Variants in DOCK10 observed in about 807,000 individuals in gnomAD.
DOCK10 encodes dedicator of cytokinesis protein 10.
In DOCK10, 145 loss-of-function variants were observed where a neutral mutation model predicts 280.1. The ratio of observed to expected loss-of-function variants is 0.52; its 90% CI spans 0.45 to 0.59. DOCK10 has a LOEUF of 0.59. DOCK10 is among the 20% of genes least tolerant of loss of function. The pLI is 0.00. For missense variants in DOCK10, 2,368 were observed against 2,651.7 expected, an observed-to-expected ratio of 0.89 and a Z score of 2.35; for synonymous variants, 915 against 942.2, an observed-to-expected ratio of 0.97 and a Z score of 0.53.
chr2:224,911,319 A>G lies in DOCK10; in HGVS notation c.333+5376T>C, dbSNP rs541808909. 2.2e-4 allele frequency among the ~76,000 whole-genome samples: 34 copies of G among 152,326 alleles called. No individual in the cohort carries two copies. The South Asian group carries it at 7.0e-3, about 32-fold the overall frequency. ...GTCCTCAGCTGAAGGTGACATTCTC[A>G]GAGAACTACGGATAGATGAAAAGAT... is the stretch of plus-strand genomic sequence containing the variant. On this transcript the variant is annotated intron_variant, in intron 3 of 55. Transcript: ENST00000258390.
chr2:225,026,013 G>A (rs1285724678), intron 1 of DOCK10, among the ~76,000 whole-genome samples: 1 of 152,090 alleles, frequency 6.6e-6, no homozygotes, highest in African/African-American at 2.4e-5. Flanking sequence ...TCTGCCTGTG[G>A]ACTCAGAAGA....
At position 224,864,972 on chromosome 2, in the gene DOCK10, GC is replaced by G. The variant is rs776490300; in HGVS notation, c.1372del (p.Ala458LeufsTer31). ...GTTGCCATTTTCCAAAGCCACAGAA[GC>G]CCCCAAGAGCATCTGTCTGACAGCA... ...HAAVRQMLLG[A>X]SVALENGNID... On this transcript the variant is annotated frameshift_variant, in exon 12 of 56. Coordinates refer to ENST00000258390, the MANE Select transcript of DOCK10 (RefSeq NM_014689.3). LOFTEE classifies it high-confidence loss of function. The G allele has an allele frequency of 6.2e-7, 1 of 1,613,842 alleles. No individual in the cohort carries two copies. The highest frequency in any genetic ancestry group is 1.1e-5 in the South Asian group (1 of 91,074).
At chr2:224,890,311 A>G (rs1265135693) in intron 4 of DOCK10, among the ~76,000 whole-genome samples, 24 of 152,232 alleles carry the variant, frequency 1.6e-4, no homozygotes, top group Non-Finnish European at 7.3e-5. Flanking sequence ...ATACTTATAA[A>G]CAAGGAGGAG....
intron 55 of DOCK10, among the ~76,000 whole-genome samples, chr2:224,769,598 G>C (rs1690281081): frequency 6.6e-6 from 1 of 152,204 alleles, no homozygotes; most frequent in African/African-American, 2.4e-5. Context: ...TTGATTTTTA[G>C]CCACCCAAAA....
intron 4 of DOCK10, among the ~76,000 whole-genome samples, chr2:224,895,301 G>A (rs188574138): frequency 4.6e-5 from 7 of 152,350 alleles, no homozygotes; most frequent in Admixed American, 3.9e-4. Flanking sequence ...TCTGTACCAT[G>A]TGTCTATTAA....
intron 1 of DOCK10, among the ~76,000 whole-genome samples, chr2:224,946,592 T>C (rs946167076): frequency 6.6e-6 from 1 of 152,210 alleles, no homozygotes; most frequent in Non-Finnish European, 1.5e-5. Context: ...AAATTCCAAA[T>C]ATTATAGTAA....
intron 1 of DOCK10, among the ~76,000 whole-genome samples, chr2:224,952,598 T>A (rs551359591): frequency 4.4e-4 from 67 of 151,374 alleles, no homozygotes; most frequent in East Asian, 1.2e-3. Flanking sequence ...TGTTATTTTT[T>A]TTTTTTTTTT....
At chr2:224,974,282 T>C (rs577930246) in intron 1 of DOCK10, among the ~76,000 whole-genome samples, 2 of 152,332 alleles carry the variant, frequency 1.3e-5, no homozygotes, top group African/African-American at 4.8e-5. Flanking sequence ...GTATTGGGCA[T>C]GGTCTTAAAA....
Position 224,876,174 on chromosome 2 carries a change from C to T in DOCK10, c.795G>A (p.Leu265=). ...KYAFELKMND[L]TYFVLAAETE... ...TTTCAGCTGCCAGCACAAAATAGGTCAGATCATTCATTTTCAATTCAAAGG... is the reference window on the plus strand; with the variant it reads ...TTTCAGCTGCCAGCACAAAATAGGTTAGATCATTCATTTTCAATTCAAAGG... The change falls in exon 8 of 56, where the codon CTG becomes CTA. Residue 265 remains leucine, a synonymous_variant. Transcript: ENST00000258390. 6.2e-7 allele frequency: 1 copy of T among 1,613,650 alleles called. No individual in the cohort carries two copies. The highest frequency in any genetic ancestry group is 1.1e-5 in the South Asian group (1 of 91,018).
intron 1 of DOCK10, 47 bp from the exon 2 acceptor site, chr2:224,931,715 C>G: frequency 6.5e-7 from 1 of 1,528,162 alleles, no homozygotes; most frequent in Non-Finnish European, 8.8e-7. Flanking sequence ...TACACCATCT[C>G]CCTTTTCTAT....
At chr2:224,865,127 T>A in intron 11 of DOCK10, 40 bp from the exon 12 acceptor site, 3 of 1,587,056 alleles carry the variant, frequency 1.9e-6, no homozygotes, top group Non-Finnish European at 2.6e-6. Context: ...TGATATAAAA[T>A]CATTATCCAT....
At chr2:224,988,762 T>G (rs1032130296) in intron 1 of DOCK10, among the ~76,000 whole-genome samples, 2 of 152,208 alleles carry the variant, frequency 1.3e-5, no homozygotes, top group African/African-American at 4.8e-5. Context: ...TGCATTTTGG[T>G]AGGAATTGAA....
At chr2:224,901,248 T>G (rs183954053) in intron 3 of DOCK10, among the ~76,000 whole-genome samples, 47 of 152,306 alleles carry the variant, frequency 3.1e-4, no homozygotes, top group Admixed American at 5.9e-4. Flanking sequence ...AAATTCAAAG[T>G]CACAGGCTAC....
intron 15 of DOCK10, among the ~76,000 whole-genome samples, chr2:224,855,948 C>T (rs1697105143): frequency 6.6e-6 from 1 of 152,176 alleles, no homozygotes; most frequent in African/African-American, 2.4e-5. Context: ...TATTTTACTA[C>T]ATGGTAAGAT....
intron 1 of DOCK10, among the ~76,000 whole-genome samples, chr2:224,991,115 C>A (rs112882381): frequency 6.6e-6 from 1 of 152,186 alleles, no homozygotes; most frequent in Non-Finnish European, 1.5e-5. Flanking sequence ...GGCAGGTGGG[C>A]TGAAAGCTTC....
chr2:224,964,967 C>T (rs550693077), intron 1 of DOCK10, among the ~76,000 whole-genome samples: 25 of 152,194 alleles, frequency 1.6e-4, no homozygotes, highest in African/African-American at 3.6e-4. Flanking sequence ...TATGGATGTC[C>T]GCAGCAAACA....
chr2:224,833,270 T>G (rs1161512635), intron 26 of DOCK10, among the ~76,000 whole-genome samples: 1 of 152,156 alleles, frequency 6.6e-6, no homozygotes, highest in Admixed American at 6.5e-5. Flanking sequence ...GCCTGGCCTA[T>G]GCTAACTCCC....
intron 2 of DOCK10, among the ~76,000 whole-genome samples, chr2:224,920,529 G>A (rs1701643824): frequency 6.6e-6 from 1 of 151,934 alleles, no homozygotes; most frequent in Non-Finnish European, 1.5e-5. Flanking sequence ...GGGGATTACT[G>A]CTGAATTTAA....
intron 1 of DOCK10, chr2:224,946,750 G>C: frequency 1.2e-6 from 1 of 867,684 alleles, no homozygotes; most frequent in East Asian, 3.0e-5. Flanking sequence ...ACTTCACCCA[G>C]CAGCCTCTGC....
Sources: gnomAD v4.1 joint callset for allele counts (sites outside exome capture counted in the v4.1 genomes callset) on GRCh38, gnomAD v4.1.1 for gene constraint, MANE v1.5 for transcripts, NCBI Gene and HGNC (gene_info 2026-07-23, HGNC 2026-07-21) for gene names.